The following DIAPH3 variants were observed in gnomAD, a reference collection of about 807,000 sequenced individuals.
DIAPH3 encodes protein diaphanous homolog 3.
In DIAPH3, 117 loss-of-function variants were observed where a neutral mutation model predicts 144.3. The observed-to-expected ratio is 0.81, with a 90% CI of 0.70 to 0.95. The LOEUF (loss-of-function observed/expected upper bound fraction) is 0.95. Among genes scored for constraint, DIAPH3 ranks in the 40% least tolerant of loss-of-function variants. The pLI, the probability that DIAPH3 is intolerant of heterozygous loss-of-function variation, is 0.00. For synonymous variants in DIAPH3, 519 were observed against 488.9 expected, an observed-to-expected ratio of 1.06 and a Z score of -0.81; for missense variants, 1,421 against 1,412.7, an observed-to-expected ratio of 1.01 and a Z score of -0.09.
chr13:59,835,802 C>T (rs1802288116), intron 23 of DIAPH3, among the ~76,000 whole-genome samples: 1 of 151,750 alleles, frequency 6.6e-6, no homozygotes, highest in African/African-American at 2.4e-5. Context: ...TCCTAGTCGC[C>T]ACAGTTCAAA....
At chr13:59,926,878 C>CT (rs2047777692) in intron 17 of DIAPH3, among the ~76,000 whole-genome samples, 1 of 152,108 alleles carries the variant, frequency 6.6e-6, no homozygotes, top group Admixed American at 6.6e-5. Context: ...ATTGATAGTT[C>CT]TTTGACAATT....
intron 1 of DIAPH3, among the ~76,000 whole-genome samples, chr13:60,156,231 A>G (rs1260257300): frequency 6.6e-6 from 1 of 152,160 alleles, no homozygotes; most frequent in Non-Finnish European, 1.5e-5. Flanking sequence ...ATAACAATAC[A>G]TGTGTTTGCA....
intron 5 of DIAPH3, among the ~76,000 whole-genome samples, chr13:60,018,658 A>G (rs1315085036): frequency 6.6e-6 from 1 of 152,170 alleles, no homozygotes; most frequent in East Asian, 1.9e-4. Context: ...TTCCGTGTAA[A>G]GAGGCATTAA....
intron 2 of DIAPH3, among the ~76,000 whole-genome samples, chr13:60,119,741 C>T (rs1337957008): frequency 7.2e-5 from 8 of 110,548 alleles, no homozygotes; most frequent in Admixed American, 2.1e-4. Context: ...AGCGAGACTC[C>T]GTCTCAAAAA....
intron 4 of DIAPH3, among the ~76,000 whole-genome samples, chr13:60,082,730 A>C (rs1024626080): frequency 6.6e-6 from 1 of 152,090 alleles, no homozygotes; most frequent in Non-Finnish European, 1.5e-5. Context: ...TCTACTAAAG[A>C]AGAAACTTCA....
intron 5 of DIAPH3, among the ~76,000 whole-genome samples, chr13:60,037,337 TTATAA>T (rs1408723341): frequency 6.6e-6 from 1 of 151,946 alleles, no homozygotes; most frequent in Non-Finnish European, 1.5e-5. Flanking sequence ...ATACACACAG[TTATAA>T]TATGACTCAA....
chr13:60,125,522 G>A (rs2058968799), intron 2 of DIAPH3, among the ~76,000 whole-genome samples: 1 of 149,056 alleles, frequency 6.7e-6, no homozygotes, highest in South Asian at 2.1e-4. Context: ...CGTGATTACA[G>A]ACATGAGCCA....
intron 25 of DIAPH3, among the ~76,000 whole-genome samples, chr13:59,782,870 G>A (rs1168895779): frequency 1.3e-5 from 2 of 152,196 alleles, no homozygotes; most frequent in South Asian, 4.1e-4. Context: ...CAGGAAAGCT[G>A]TACAAGGCAG....
intron 5 of DIAPH3, among the ~76,000 whole-genome samples, chr13:60,041,617 G>C (rs2055672240): frequency 6.6e-6 from 1 of 151,908 alleles, no homozygotes; most frequent in African/African-American, 2.4e-5. Context: ...AATAATCAGA[G>C]CAAATTCTTC....
chr13:59,810,677 A>C lies in DIAPH3; in HGVS notation c.3163+111T>G, dbSNP rs75685443. The C allele has an allele frequency of 3.0e-3, 3,545 of 1,182,722 alleles. 78 individuals are homozygous for C. In the African/African-American group the frequency reaches 0.047, roughly 16 times the overall value. 73.3% of individuals were successfully genotyped at this position (1,182,722 alleles called of 1,614,324 possible). Reference sequence around the variant, plus strand: ...GAATTGTTCTATGGTTTAATTACAGAAACAAGTGGTTGTATTTTCCTTTTT... The same window carrying C: ...GAATTGTTCTATGGTTTAATTACAGCAACAAGTGGTTGTATTTTCCTTTTT... On this transcript the variant is annotated intron_variant, in intron 25 of 27. Coordinates refer to ENST00000400324, the MANE Select transcript of DIAPH3 (RefSeq NM_001042517.2).
chr13:59,729,918 C>G (rs1431006973), intron 27 of DIAPH3, among the ~76,000 whole-genome samples: 1 of 144,446 alleles, frequency 6.9e-6, no homozygotes, highest in East Asian at 2.1e-4. Context: ...CTCAAGTGAT[C>G]TTTCCACTTC....
intron 27 of DIAPH3, among the ~76,000 whole-genome samples, chr13:59,670,656 C>T (rs1346971404): frequency 6.6e-6 from 1 of 150,606 alleles, no homozygotes; most frequent in African/African-American, 2.4e-5. Context: ...GATCTCGGCT[C>T]ACTGCAAGCT....
intron 27 of DIAPH3, among the ~76,000 whole-genome samples, chr13:59,692,469 G>C (rs1202647799): frequency 6.8e-6 from 1 of 146,096 alleles, no homozygotes; most frequent in South Asian, 2.2e-4. Flanking sequence ...GGAATTCTTG[G>C]TAAGGCTCAC....
intron 25 of DIAPH3, among the ~76,000 whole-genome samples, chr13:59,798,884 G>A (rs2039747039): frequency 6.6e-6 from 1 of 152,146 alleles, no homozygotes; most frequent in Admixed American, 6.5e-5. Flanking sequence ...AAGAGTGGAG[G>A]TGTCTTGTGT....
At chr13:59,792,418 A>G (rs2039375527) in intron 25 of DIAPH3, among the ~76,000 whole-genome samples, 1 of 152,210 alleles carries the variant, frequency 6.6e-6, no homozygotes, top group South Asian at 2.1e-4. Context: ...AGTCTTCCTC[A>G]TCAGGCCAGG....
chr13:59,813,128 G>A (rs1003485299), intron 24 of DIAPH3, among the ~76,000 whole-genome samples: 1 of 151,384 alleles, frequency 6.6e-6, no homozygotes, highest in African/African-American at 2.4e-5. Context: ...GTGGGAGTAC[G>A]GGCGCAGAAA....
At chr13:59,781,945 C>A (rs2038762902) in intron 25 of DIAPH3, among the ~76,000 whole-genome samples, 1 of 152,080 alleles carries the variant, frequency 6.6e-6, no homozygotes, top group Non-Finnish European at 1.5e-5. Flanking sequence ...CAGCAAGACA[C>A]CATATATGGA....
intron 22 of DIAPH3, among the ~76,000 whole-genome samples, chr13:59,851,908 GC>G (rs1482336422): frequency 6.6e-6 from 1 of 152,124 alleles, no homozygotes; most frequent in Non-Finnish European, 1.5e-5. Context: ...GTGAGCCATG[GC>G]GCCCAGCCAA....
chr13:60,000,820 C>T (rs2052478545), intron 9 of DIAPH3, among the ~76,000 whole-genome samples: 1 of 152,080 alleles, frequency 6.6e-6, no homozygotes, highest in South Asian at 2.1e-4. Flanking sequence ...TATTCAGTAA[C>T]TAACATAGGG....
Sources: allele counts gnomAD v4.1 joint callset (sites outside exome capture counted in the v4.1 genomes callset), GRCh38; gene constraint gnomAD v4.1.1; transcripts MANE v1.5; gene names NCBI Gene and HGNC (gene_info 2026-07-23, HGNC 2026-07-21).